EGFR: variants seen among roughly 807,000 people sequenced by gnomAD.
EGFR encodes the protein epidermal growth factor receptor.
In EGFR, 58 loss-of-function variants were observed where a neutral mutation model predicts 143.0. That is an observed-to-expected ratio of 0.41 (90% CI 0.33 to 0.50). The LOEUF (loss-of-function observed/expected upper bound fraction) is 0.50, where lower values mean the gene tolerates loss of function less well. EGFR is among the 20% of genes least tolerant of loss of function. The pLI, the probability that EGFR is intolerant of heterozygous loss-of-function variation, is 0.39. For missense variants in EGFR, 1,307 were observed against 1,579.0 expected (o/e 0.83, Z 2.92); for synonymous variants, 613 against 594.4 (o/e 1.03, Z -0.45).
intron 1 of EGFR, chr7:55,109,951 A>G: frequency 1.0e-6 from 1 of 985,444 alleles, no homozygotes; most frequent in Non-Finnish European, 1.2e-6. Context: ...GGTTATCCGG[A>G]TAACCAAGTA....
chr7:55,070,456 T>C (rs571981007), intron 1 of EGFR, among the ~76,000 whole-genome samples: 1 of 152,354 alleles, frequency 6.6e-6, no homozygotes, highest in East Asian at 1.9e-4. Context: ...AAAGAACCAA[T>C]GTGTTGGACT....
At position 55,202,538 on chromosome 7, in the gene EGFR, G is replaced by A. The variant is rs2128973028; in HGVS notation, c.3184G>A (p.Glu1062Lys). 6.2e-7 allele frequency: 1 copy of A among 1,611,570 alleles called. No individual in the cohort carries two copies. The highest frequency in any genetic ancestry group is 8.5e-7 in the Non-Finnish European group (1 of 1,178,872). ...RNGLQSCPIK[E>K]DSFLQRYSSD... is the part of the protein sequence containing the mutation. ...GCAGCTGCAAAGCTGTCCCATCAAG[G>A]AAGACAGCTTCTTGCAGCGATACAG... The change falls in exon 27 of 28, where the codon GAA becomes AAA. Residue 1062 changes from glutamate (E) to lysine (K), a missense_variant. By Grantham distance (56) the Glu-to-Lys change is moderately conservative. Transcript: ENST00000275493.
intron 1 of EGFR, among the ~76,000 whole-genome samples, chr7:55,122,233 C>T (rs1793250396): frequency 6.6e-6 from 1 of 152,188 alleles, no homozygotes; most frequent in Non-Finnish European, 1.5e-5. Context: ...AGTCCTCCGT[C>T]GACCTTGGCC....
chr7:55,203,965 A>T (rs1787986997), intron 27 of EGFR, among the ~76,000 whole-genome samples: 1 of 150,986 alleles, frequency 6.6e-6, no homozygotes, highest in Non-Finnish European at 1.5e-5. Context: ...ATCTTTATAC[A>T]TATGTTATAT....
intron 1 of EGFR, among the ~76,000 whole-genome samples, chr7:55,072,545 C>G (rs1278252502): frequency 6.6e-6 from 1 of 152,204 alleles, no homozygotes; most frequent in African/African-American, 2.4e-5. Context: ...AGTGGTGATG[C>G]TGATGCCGTT....
At chr7:55,089,036 T>C (rs1373748225) in intron 1 of EGFR, among the ~76,000 whole-genome samples, 1 of 152,250 alleles carries the variant, frequency 6.6e-6, no homozygotes, top group African/African-American at 2.4e-5. Context: ...CAGCATTTTT[T>C]CTGTGTATTT....
intron 1 of EGFR, among the ~76,000 whole-genome samples, chr7:55,087,271 G>A (rs866120588): frequency 3.4e-3 from 60 of 17,424 alleles, no homozygotes; most frequent in African/African-American, 0.013. Context: ...TTTCTCAATT[G>A]TTAAAAAAAA....
chr7:55,096,862 G>T (rs1229390027), intron 1 of EGFR, among the ~76,000 whole-genome samples: 1 of 152,178 alleles, frequency 6.6e-6, no homozygotes, highest in African/African-American at 2.4e-5. Flanking sequence ...AGTCATGGGA[G>T]GTGCAGCCGA....
At chr7:55,129,304 G>A (rs1793702616) in intron 1 of EGFR, among the ~76,000 whole-genome samples, 1 of 152,260 alleles carries the variant, frequency 6.6e-6, no homozygotes, top group Non-Finnish European at 1.5e-5. Context: ...CTGCAGGAAA[G>A]CACTGGGGTG....
chr7:55,105,439 C>A (rs1212033168), intron 1 of EGFR, among the ~76,000 whole-genome samples: 3 of 152,200 alleles, frequency 2.0e-5, no homozygotes, highest in Non-Finnish European at 4.4e-5. Context: ...CTGTTGTTGG[C>A]AGAGAGGGAA....
chr7:55,161,001 G>A (rs1785671492), intron 12 of EGFR, among the ~76,000 whole-genome samples: 1 of 152,194 alleles, frequency 6.6e-6, no homozygotes, highest in South Asian at 2.1e-4. Context: ...TGGCCCAATG[G>A]CTCCTATCAG....
At chr7:55,044,726 A>G (rs1286834003) in intron 1 of EGFR, among the ~76,000 whole-genome samples, 2 of 152,236 alleles carry the variant, frequency 1.3e-5, no homozygotes, top group African/African-American at 4.8e-5. Context: ...CGCCCCCCGC[A>G]TAACTCGTGT....
At position 55,185,846 on chromosome 7, in the gene EGFR, T is replaced by G. The variant is rs1787111373; in HGVS notation, c.2469+4368T>G. ...CTTAGTTCCATCTATGAGGTAAAATTTAATGCAGATGAACATCAAAGAAAA... is the reference window on the plus strand; with the variant it reads ...CTTAGTTCCATCTATGAGGTAAAATGTAATGCAGATGAACATCAAAGAAAA... On this transcript the variant is annotated intron_variant, in intron 20 of 27. Transcript: ENST00000275493. Among the ~76,000 whole-genome samples the G allele has an allele frequency of 2.0e-5, 3 of 152,158 alleles. No homozygotes were observed. The South Asian group carries it at 6.2e-4, about 32-fold the overall frequency.
Position 55,191,963 on chromosome 7 carries a change from G to A in EGFR, c.2625+89G>A, listed in dbSNP as rs1787417032. ...CTAGCTGTATTGTTTAACACATGCA[G>A]GGGAGGATGCTCTCCAGACATTCTG... On this transcript the variant is annotated intron_variant, in intron 21 of 27. Coordinates refer to ENST00000275493, the MANE Select transcript of EGFR (RefSeq NM_005228.5). 19 of 1,577,640 alleles carry A rather than the reference G, an allele frequency of 1.2e-5. No homozygotes were observed. The South Asian group carries it at 1.6e-4, about 13-fold the overall frequency.
chr7:55,177,963 T>A (rs971715192), intron 19 of EGFR, among the ~76,000 whole-genome samples: 7 of 152,212 alleles, frequency 4.6e-5, no homozygotes, highest in Non-Finnish European at 7.3e-5. Context: ...TTGTGCCTGC[T>A]GGGTGGGGAG....
At chr7:55,203,803 C>CACACA (rs137966105) in intron 27 of EGFR, among the ~76,000 whole-genome samples, 6,281 of 151,576 alleles carry the variant, frequency 0.041, 425 homozygotes, top group African/African-American at 0.14. Flanking sequence ...ACACCCCACA[C>CACACA]ACACATGTAT....
At chr7:55,168,511 A>G (rs1347269304) in intron 15 of EGFR, 4 of 1,480,170 alleles carry the variant, frequency 2.7e-6, no homozygotes, top group African/African-American at 1.4e-5. Flanking sequence ...ATGTCTTTCT[A>G]TTTTTTCCCA....
chr7:55,192,235 A>T lies in EGFR; in HGVS notation c.2625+361A>T, dbSNP rs1029915776. 5.3e-5 allele frequency among the ~76,000 whole-genome samples: 8 copies of T among 152,308 alleles called. No homozygotes were observed. The East Asian group carries it at 1.4e-3, about 26-fold the overall frequency. ...CTGCTGTCAAGGACACCTAAGGAAC[A>T]GGAAAGGCCCCATGCGGACCCGAGC... On this transcript the variant is annotated intron_variant, in intron 21 of 27. Transcript: ENST00000275493.
intron 4 of EGFR, among the ~76,000 whole-genome samples, chr7:55,148,362 C>T (rs1204450520): frequency 6.6e-6 from 1 of 151,878 alleles, no homozygotes; most frequent in African/African-American, 2.4e-5. Context: ...TCTCCATGTT[C>T]TGTACAACAA....
Sources: gnomAD v4.1 joint callset for allele counts (sites outside exome capture counted in the v4.1 genomes callset) on GRCh38, gnomAD v4.1.1 for gene constraint, MANE v1.5 for transcripts, NCBI Gene and HGNC (gene_info 2026-07-23, HGNC 2026-07-21) for gene names.